The following PRRX1 variants were observed in gnomAD, a reference collection of about 807,000 sequenced individuals.
PRRX1 encodes the protein paired related homeobox 1.
Under a neutral mutation model 24.0 loss-of-function variants are expected in PRRX1, and 8 were observed. The observed-to-expected ratio is 0.33, with a 90% confidence interval of 0.20 to 0.60. The LOEUF (loss-of-function observed/expected upper bound fraction) is 0.60. Among genes scored for constraint, PRRX1 ranks in the 20% least tolerant of loss-of-function variants. PRRX1 has a pLI of 0.82. For missense variants in PRRX1, 281 were observed against 322.4 expected (o/e 0.87, Z 0.98); for synonymous variants, 160 against 131.7 (o/e 1.22, Z -1.47).
chr1:170,726,391 T>G lies in PRRX1; in HGVS notation c.589T>G (p.Ser197Ala). 6.2e-7 allele frequency: 1 copy of G among 1,613,868 alleles called. No homozygotes were observed. Among genetic ancestry groups the G allele is most frequent in the Non-Finnish European group, 8.5e-7 (1 of 1,179,820 alleles). Residue 197 changes from serine (S) to alanine (A), a missense_variant, in exon 3 of 4, where the codon TCT becomes GCT. Transcript: ENST00000239461. ...CGATTATCTCTCCTGGGGGACAGCG[T>G]CTCCGTACAGGTGAATGACTGGCCC... ...PTDYLSWGTA[S>A]PYSAMATYSA... is the part of the protein sequence containing the mutation.
chr1:170,738,595 G>A lies in PRRX1; in HGVS notation c.*2409G>A, dbSNP rs1655698857. On this transcript the variant is annotated 3_prime_UTR_variant, in exon 4 of 4. Transcript: ENST00000239461. The stretch of plus-strand genomic sequence containing the variant: ...CAGACTGAAACATTCTAAGTGAAAT[G>A]AGTATAATCCAAGTAACTGGTGAAC... 4.4e-6 allele frequency: 1 copy of A among 228,836 alleles called. No individual in the cohort carries two copies. The highest frequency in any genetic ancestry group is 1.8e-4 in the South Asian group (1 of 5,498). The allele number at this position is 228,836 out of a possible 1,614,324, so 14.2% of individuals were successfully genotyped here.
intron 1 of PRRX1, among the ~76,000 whole-genome samples, chr1:170,695,803 TTCTTTTC>T (rs1186560850): frequency 6.7e-6 from 1 of 149,260 alleles, no homozygotes; most frequent in Non-Finnish European, 1.5e-5. Context: ...ATCCCCATCC[TTCTTTTC>T]TCTTTTCTCT....
chr1:170,704,252 AG>A (rs1406232775), intron 1 of PRRX1, among the ~76,000 whole-genome samples: 2 of 152,238 alleles, frequency 1.3e-5, no homozygotes, highest in African/African-American at 4.8e-5. Flanking sequence ...TTTGAAAGAA[AG>A]GCCTATATAA....
At chr1:170,695,849 C>A (rs895536224) in intron 1 of PRRX1, among the ~76,000 whole-genome samples, 1 of 151,896 alleles carries the variant, frequency 6.6e-6, no homozygotes, top group East Asian at 1.9e-4. Context: ...TTTTTTCCCC[C>A]CCTCTCTATT....
At position 170,737,795 on chromosome 1, in the gene PRRX1, TTAA is replaced by T. The variant is rs924412820; in HGVS notation, c.*1615_*1617del. 4.6e-6 allele frequency: 1 copy of T among 218,400 alleles called. No homozygotes were observed. Among genetic ancestry groups the T allele is most frequent in the African/African-American group, 2.2e-5 (1 of 44,450 alleles). 13.5% of individuals were successfully genotyped at this position (218,400 alleles called of 1,614,324 possible). A position where few individuals can be genotyped will look rare whatever the true frequency, so the allele number is the denominator to read the frequency against. On this transcript the variant is annotated 3_prime_UTR_variant, in exon 4 of 4. Transcript: ENST00000239461. ...CAGTTTACCCATTTGTAAAATGGGA[TTAA>T]TAATACTTACCTACCTCACAGGGGT...
chr1:170,671,078 G>A (rs1653126356), intron 1 of PRRX1, among the ~76,000 whole-genome samples: 1 of 152,194 alleles, frequency 6.6e-6, no homozygotes, highest in Non-Finnish European at 1.5e-5. Flanking sequence ...TGAAATTCAT[G>A]TATTAATTTG....
At position 170,669,344 on chromosome 1, in the gene PRRX1, G is replaced by A. The variant is rs1191588863; in HGVS notation, c.241+4885G>A. 2.1e-5 allele frequency: 3 copies of A among 141,926 alleles called. No individual in the cohort carries two copies. In the Admixed American group the frequency reaches 2.3e-4, roughly 11 times the overall value. 8.8% of individuals were successfully genotyped at this position (141,926 alleles called of 1,614,324 possible). ...TCCTTATAGTTCCTTCCTCTTCCCA[G>A]GAGTGTCATTTTAGATTTTACAACA... On this transcript the variant is annotated intron_variant, in intron 1 of 3. Coordinates refer to ENST00000239461, the MANE Select transcript of PRRX1 (RefSeq NM_022716.4).
intron 2 of PRRX1, among the ~76,000 whole-genome samples, chr1:170,721,477 A>G (rs1482263278): frequency 6.6e-6 from 1 of 152,198 alleles, no homozygotes; most frequent in Non-Finnish European, 1.5e-5. Context: ...GAGTTGATGC[A>G]GAGATCCTAG....
chr1:170,722,461 C>T (rs368749154), intron 2 of PRRX1, among the ~76,000 whole-genome samples: 1 of 151,886 alleles, frequency 6.6e-6, no homozygotes, highest in Non-Finnish European at 1.5e-5. Flanking sequence ...AGATACTGAC[C>T]CTCTCCTTAA....
chr1:170,721,611 G>A (rs905876353), intron 2 of PRRX1, among the ~76,000 whole-genome samples: 3 of 152,216 alleles, frequency 2.0e-5, no homozygotes, highest in Non-Finnish European at 4.4e-5. Flanking sequence ...AGTCGTGGGA[G>A]CCTGTGGGGC....
intron 3 of PRRX1, among the ~76,000 whole-genome samples, chr1:170,734,231 T>G (rs1033775674): frequency 4.6e-5 from 7 of 151,994 alleles, no homozygotes; most frequent in Non-Finnish European, 2.9e-5. Context: ...AGATTTTTTT[T>G]TTTTTTTTTT....
chr1:170,694,732 C>T (rs1654108683), intron 1 of PRRX1, among the ~76,000 whole-genome samples: 1 of 152,134 alleles, frequency 6.6e-6, no homozygotes, highest in African/African-American at 2.4e-5. Flanking sequence ...GTAAATGAAA[C>T]TTTACTGATT....
At position 170,680,213 on chromosome 1, in the gene PRRX1, C is replaced by T. The variant is rs544613128; in HGVS notation, c.241+15754C>T. Among the ~76,000 whole-genome samples the T allele has an allele frequency of 2.6e-5, 4 of 151,848 alleles. No homozygotes were observed. The South Asian group carries it at 6.2e-4, about 24-fold the overall frequency. ...TAATGAAGTATATATAATTATGAAT[C>T]GTTGTCCAAAGGATGTATTTGTTCA... On this transcript the variant is annotated intron_variant, in intron 1 of 3. Transcript: ENST00000239461.
At chr1:170,704,157 A>T (rs1157694137) in intron 1 of PRRX1, among the ~76,000 whole-genome samples, 1 of 152,232 alleles carries the variant, frequency 6.6e-6, no homozygotes, top group Non-Finnish European at 1.5e-5. Flanking sequence ...TTTAAAATTA[A>T]AATTGTATTG....
chr1:170,711,159 G>A (rs935571460), intron 1 of PRRX1, among the ~76,000 whole-genome samples: 1 of 152,132 alleles, frequency 6.6e-6, no homozygotes, highest in Non-Finnish European at 1.5e-5. Context: ...ATTTTAGCAT[G>A]TTTTCATCTT....
intron 1 of PRRX1, among the ~76,000 whole-genome samples, chr1:170,684,873 C>A (rs974147567): frequency 6.6e-6 from 1 of 152,218 alleles, no homozygotes; most frequent in Non-Finnish European, 1.5e-5. Context: ...AGCTTTCCAA[C>A]ATTTTTCATG....
intron 1 of PRRX1, among the ~76,000 whole-genome samples, chr1:170,689,736 G>T (rs1653864138): frequency 6.6e-6 from 1 of 151,962 alleles, no homozygotes; most frequent in South Asian, 2.1e-4. Context: ...GTGAGGTGGG[G>T]AGTGCATGGG....
At chr1:170,695,512 ATTC>A (rs1654137878) in intron 1 of PRRX1, among the ~76,000 whole-genome samples, 1 of 152,174 alleles carries the variant, frequency 6.6e-6, no homozygotes, top group Non-Finnish European at 1.5e-5. Flanking sequence ...TAGAAAGGCT[ATTC>A]TTCTCTGCTG....
intron 2 of PRRX1, chr1:170,722,637 A>G: frequency 6.6e-6 from 1 of 152,226 alleles, no homozygotes; most frequent in East Asian, 1.9e-4. Flanking sequence ...TTTATTAGGC[A>G]CTAATTCTGG....
Sources: allele counts gnomAD v4.1 joint callset (sites outside exome capture counted in the v4.1 genomes callset), GRCh38; gene constraint gnomAD v4.1.1; transcripts MANE v1.5; gene names NCBI Gene and HGNC (gene_info 2026-07-23, HGNC 2026-07-21).